LRRTM4: variants seen among roughly 807,000 people sequenced by gnomAD.
LRRTM4 encodes leucine rich repeat transmembrane neuronal 4, also known as leucine-rich repeat transmembrane neuronal protein 4.
Under a neutral mutation model 47.6 loss-of-function variants are expected in LRRTM4, and 25 were observed. The ratio of observed to expected loss-of-function variants is 0.53; its 90% CI spans 0.38 to 0.73. LRRTM4 has a LOEUF of 0.73. Among genes scored for constraint, LRRTM4 ranks in the 30% least tolerant of loss-of-function variants. The probability of loss-of-function intolerance (pLI) is 0.00; values close to 1 mark genes in which losing one functional copy is unlikely to be tolerated. For synonymous variants in LRRTM4, 311 were observed against 269.5 expected (o/e 1.15, Z -1.51); for missense variants, 638 against 713.4 (o/e 0.89, Z 1.20).
intron 3 of LRRTM4, among the ~76,000 whole-genome samples, chr2:76,846,627 A>T (rs1373941917): frequency 6.6e-6 from 1 of 152,144 alleles, no homozygotes; most frequent in Non-Finnish European, 1.5e-5. Context: ...TCAAAAATAT[A>T]TATGGATAGT....
Position 77,522,284 on chromosome 2 carries a change from C to CTGGG in LRRTM4, c.-327_-324dup. 2 of 555,424 alleles carry CTGGG rather than the reference C, an allele frequency of 3.6e-6. No homozygotes were observed. Among genetic ancestry groups the CTGGG allele is most frequent in the Non-Finnish European group, 6.4e-6 (2 of 310,714 alleles). 34.4% of individuals were successfully genotyped at this position (555,424 alleles called of 1,614,324 possible). On this transcript the variant is annotated 5_prime_UTR_variant, in exon 1 of 4. Coordinates refer to ENST00000409884, the MANE Select transcript of LRRTM4 (RefSeq NM_001134745.3). ...AGGTTTAAAGTGTTTTGTAGCTGTGCTGGGAGGCAGCCCTTGTCTAATTCA... is the reference window on the plus strand; with the variant it reads ...AGGTTTAAAGTGTTTTGTAGCTGTGCTGGGTGGGAGGCAGCCCTTGTCTAATTCA...
chr2:76,846,053 A>G (rs1671829240), intron 3 of LRRTM4, among the ~76,000 whole-genome samples: 1 of 151,388 alleles, frequency 6.6e-6, no homozygotes, highest in South Asian at 2.1e-4. Flanking sequence ...CCTGCTTTTC[A>G]TATATATGCG....
chr2:77,071,330 G>T (rs6730095), intron 3 of LRRTM4, among the ~76,000 whole-genome samples: 60,372 of 151,546 alleles, frequency 0.4, 13,974 homozygotes, highest in East Asian at 0.68. Context: ...TGCATATTTT[G>T]TTATGGTTAT....
chr2:77,445,379 C>T (rs1676012040), intron 3 of LRRTM4, among the ~76,000 whole-genome samples: 1 of 151,812 alleles, frequency 6.6e-6, no homozygotes, highest in African/African-American at 2.4e-5. Context: ...AAAGTATTTT[C>T]CCTTTCAATC....
chr2:76,808,860 T>C (rs1670641820), intron 3 of LRRTM4, among the ~76,000 whole-genome samples: 1 of 152,058 alleles, frequency 6.6e-6, no homozygotes, highest in Non-Finnish European at 1.5e-5. Flanking sequence ...TAGATGGCAA[T>C]CTTCCCATTT....
intron 3 of LRRTM4, among the ~76,000 whole-genome samples, chr2:76,909,763 T>C (rs976570637): frequency 6.6e-6 from 1 of 152,102 alleles, no homozygotes; most frequent in Admixed American, 6.5e-5. Context: ...CATCACTGAC[T>C]ATCAGAGAAA....
At chr2:77,184,979 T>C (rs1673460713) in intron 3 of LRRTM4, among the ~76,000 whole-genome samples, 1 of 152,152 alleles carries the variant, frequency 6.6e-6, no homozygotes, top group African/African-American at 2.4e-5. Context: ...AAACTCTTTG[T>C]TGAGGTCTCT....
intron 3 of LRRTM4, among the ~76,000 whole-genome samples, chr2:77,076,573 A>C (rs1415186566): frequency 6.6e-6 from 1 of 152,146 alleles, no homozygotes; most frequent in Non-Finnish European, 1.5e-5. Flanking sequence ...ATATCTTGTT[A>C]TGTTTCTTCG....
chr2:76,997,152 TC>T (rs1188178530), intron 3 of LRRTM4, among the ~76,000 whole-genome samples: 3 of 152,046 alleles, frequency 2.0e-5, no homozygotes, highest in Admixed American at 6.6e-5. Context: ...GATTTCATGT[TC>T]CCCCAGCAAC....
chr2:77,039,996 T>C (rs1678970381), intron 3 of LRRTM4, among the ~76,000 whole-genome samples: 1 of 151,196 alleles, frequency 6.6e-6, no homozygotes, highest in Admixed American at 6.6e-5. Flanking sequence ...ATCAAAAGTA[T>C]GAGGATGTAT....
chr2:77,514,756 C>T (rs66637022), intron 3 of LRRTM4, among the ~76,000 whole-genome samples: 41,802 of 151,622 alleles, frequency 0.28, 6,248 homozygotes, highest in Admixed American at 0.38. Context: ...TACAAATATT[C>T]TTTCTTGTCC....
intron 3 of LRRTM4, among the ~76,000 whole-genome samples, chr2:77,263,669 T>C (rs1224133037): frequency 6.6e-6 from 1 of 152,166 alleles, no homozygotes; most frequent in Non-Finnish European, 1.5e-5. Flanking sequence ...GTTTTTGTTT[T>C]TCCTGCTATA....
rs1396343740 is a variant in LRRTM4, at chr2:76,828,531, G to A, written c.1552-79615C>T. Among the ~76,000 whole-genome samples the A allele has an allele frequency of 2.0e-5, 3 of 152,030 alleles. No individual in the cohort carries two copies. The East Asian group carries it at 5.8e-4, about 29-fold the overall frequency. ...AAGTGTTAGTGTAATGCTGCCCTTT[G>A]AGAAAGGATAAGAGAAATGTGTATA... is the stretch of plus-strand genomic sequence containing the variant. On this transcript the variant is annotated intron_variant, in intron 3 of 3. Transcript: ENST00000409884.
intron 3 of LRRTM4, among the ~76,000 whole-genome samples, chr2:77,360,514 TAC>T (rs1672159543): frequency 2.7e-5 from 4 of 150,270 alleles, no homozygotes; most frequent in Non-Finnish European, 5.9e-5. Flanking sequence ...TACGATACGA[TAC>T]GATACGATAC....
chr2:76,835,771 C>A (rs1352757567), intron 3 of LRRTM4, among the ~76,000 whole-genome samples: 2 of 151,944 alleles, frequency 1.3e-5, no homozygotes, highest in African/African-American at 2.4e-5. Context: ...CTCAGTGGAC[C>A]AGCATCCTAT....
chr2:77,487,456 C>G (rs780376769), intron 3 of LRRTM4, among the ~76,000 whole-genome samples: 2 of 152,208 alleles, frequency 1.3e-5, no homozygotes, highest in Non-Finnish European at 2.9e-5. Context: ...CCCCCTCCCA[C>G]CTCAGCCCCC....
At chr2:77,070,850 C>A (rs559518817) in intron 3 of LRRTM4, among the ~76,000 whole-genome samples, 1 of 152,076 alleles carries the variant, frequency 6.6e-6, no homozygotes, top group Admixed American at 6.6e-5. Context: ...AGGCTGGTCT[C>A]GAACTCCTGA....
At chr2:76,795,998 C>A (rs1408681301) in intron 3 of LRRTM4, among the ~76,000 whole-genome samples, 3 of 143,604 alleles carry the variant, frequency 2.1e-5, no homozygotes, top group African/African-American at 8.1e-5. Context: ...CATTGCCTCA[C>A]TTGGGAAGCG....
At chr2:77,198,022 T>C (rs1271131698) in intron 3 of LRRTM4, among the ~76,000 whole-genome samples, 2 of 152,150 alleles carry the variant, frequency 1.3e-5, no homozygotes, top group East Asian at 1.9e-4. Flanking sequence ...AATATGAATA[T>C]CAGTTAGGCT....
Sources: gnomAD v4.1 joint callset for allele counts (sites outside exome capture counted in the v4.1 genomes callset) on GRCh38, gnomAD v4.1.1 for gene constraint, MANE v1.5 for transcripts, NCBI Gene and HGNC (gene_info 2026-07-23, HGNC 2026-07-21) for gene names.